Variants in LRRK1 observed in about 807,000 individuals in gnomAD.
LRRK1 encodes leucine-rich repeat serine/threonine-protein kinase 1.
In LRRK1, 113 loss-of-function variants were observed where a neutral mutation model predicts 209.1. The ratio of observed to expected loss-of-function variants is 0.54; its 90% CI spans 0.46 to 0.63. The LOEUF (loss-of-function observed/expected upper bound fraction) is 0.63, where lower values mean the gene tolerates loss of function less well. LRRK1 is among the 30% of genes least tolerant of loss of function. The pLI, the probability that LRRK1 is intolerant of heterozygous loss-of-function variation, is 0.00. For missense variants in LRRK1, 2,284 were observed against 2,632.2 expected (o/e 0.87, Z 2.89); for synonymous variants, 1,144 against 1,099.7 (o/e 1.04, Z -0.80).
intron 29 of LRRK1, 74 bp downstream of exon 29, chr15:101,058,215 C>A (rs1240672384): frequency 6.9e-7 from 1 of 1,442,400 alleles, no homozygotes; most frequent in East Asian, 2.3e-5. Flanking sequence ...GGAACACAGT[C>A]GATGTTGACC....
intron 31 of LRRK1, 76 bp from the exon 32 acceptor site, chr15:101,065,276 T>C: frequency 6.5e-7 from 1 of 1,542,048 alleles, no homozygotes; most frequent in South Asian, 1.2e-5. Context: ...TGCAGATGAG[T>C]CCAGTGCCTA....
chr15:100,960,452 C>T (rs1376162406), intron 2 of LRRK1, among the ~76,000 whole-genome samples: 1 of 152,070 alleles, frequency 6.6e-6, no homozygotes, highest in Non-Finnish European at 1.5e-5. Context: ...TGTTTATCTT[C>T]GAATTGTACC....
intron 2 of LRRK1, among the ~76,000 whole-genome samples, chr15:100,932,488 A>G (rs2042230231): frequency 6.6e-6 from 1 of 152,166 alleles, no homozygotes; most frequent in Non-Finnish European, 1.5e-5. Flanking sequence ...GGGTCTTTAG[A>G]TTCTTTCTAC....
chr15:101,074,263 C>A lies in LRRK1; in HGVS notation c.*5415C>A, dbSNP rs566510364. On this transcript the variant is annotated 3_prime_UTR_variant, in exon 34 of 34. Transcript: ENST00000388948. ...GGTCCCAATTCTTCCTCAGCCTCCG[C>A]TCCTCCACCATATAATCTTTTTATC... The A allele has an allele frequency of 6.6e-6, 1 of 152,144 alleles. No individual in the cohort carries two copies. The highest frequency in any genetic ancestry group is 2.4e-5 in the African/African-American group (1 of 41,410). The allele number at this position is 152,144 out of a possible 1,614,324, so 9.4% of individuals were successfully genotyped here.
At chr15:100,974,049 T>C in intron 3 of LRRK1, 82 bp downstream of exon 3, 7 of 1,134,632 alleles carry the variant, frequency 6.2e-6, no homozygotes, top group Non-Finnish European at 7.8e-6. Context: ...TTCTCGTTAT[T>C]GTCATAACGG....
intron 2 of LRRK1, among the ~76,000 whole-genome samples, chr15:100,969,817 T>A (rs4965751): frequency 0.7 from 105,614 of 151,834 alleles, 37,141 homozygotes; most frequent in Middle Eastern, 0.76. Context: ...CCCTGCAAAG[T>A]GATAATCTTA....
chr15:101,050,483 C>T lies in LRRK1; in HGVS notation c.3439+700C>T, dbSNP rs116316235. On this transcript the variant is annotated intron_variant, in intron 23 of 33. Coordinates refer to ENST00000388948, the MANE Select transcript of LRRK1 (RefSeq NM_024652.6). ...CTGCCCTGAGAGCTTCAGCCCTGAA[C>T]GCTGGAGGCCAAGCAGCTGTGGGAC... 4.9e-3 allele frequency among the ~76,000 whole-genome samples: 739 copies of T among 151,528 alleles called. 5 individuals carry two copies. Among genetic ancestry groups the T allele is most frequent in the African/African-American group, 0.017 (708 of 41,028 alleles).
rs1004184385 is a variant in LRRK1, at chr15:101,054,878, TATC to T, written c.4055-65_4055-63del. The stretch of plus-strand genomic sequence containing the variant: ...GATCGGAAGACAAAAAGACAGTTGT[TATC>T]ATGATAATTTGATTCTATCAAAACT... On this transcript the variant is annotated intron_variant, in intron 26 of 33. Coordinates refer to ENST00000388948, the MANE Select transcript of LRRK1 (RefSeq NM_024652.6). 204 of 1,320,376 alleles carry T rather than the reference TATC, an allele frequency of 1.5e-4. 1 individual carries two copies. Among genetic ancestry groups the T allele is most frequent in the Middle Eastern group, 9.5e-4 (5 of 5,264 alleles). The allele number at this position is 1,320,376 out of a possible 1,614,324, so 81.8% of individuals were successfully genotyped here.
In LRRK1 at chr15:101,024,813, T is replaced by C; in HGVS notation, c.2078T>C (p.Val693Ala). The C allele has an allele frequency of 6.2e-7, 1 of 1,613,758 alleles. No individual in the cohort carries two copies. Among genetic ancestry groups the C allele is most frequent in the Non-Finnish European group, 8.5e-7 (1 of 1,179,704 alleles). ...TTGTTGCTCAAGTAGGTTGAGTCCG[T>C]GGAGTTCAACGTCTGGGACATCGGG... ...PAGSRAKVES[V>A]EFNVWDIGGP... The change falls in exon 16 of 34, where the codon GTG becomes GCG. Residue 693 changes from valine to alanine, a missense_variant. Val to Ala is a moderately conservative substitution (Grantham distance 64). Coordinates refer to ENST00000388948, the MANE Select transcript of LRRK1 (RefSeq NM_024652.6). This position sits in a 1 kb window ranked among gnomAD's most constrained non-coding sequence, Gnocchi z 4.6.
rs116680667 is a variant in LRRK1 at position 100,968,266 on chromosome 15, T to C, written c.98-5538T>C. On this transcript the variant is annotated intron_variant, in intron 2 of 33. Coordinates refer to ENST00000388948, the MANE Select transcript of LRRK1 (RefSeq NM_024652.6). The stretch of plus-strand genomic sequence containing the variant: ...TATTCATTCTCCTGTGGATGGACAC[T>C]TGGGCTATTTACAGTTTGGAAATAT... Among the ~76,000 whole-genome samples the C allele has an allele frequency of 9.4e-3, 1,433 of 152,272 alleles. 16 individuals carry two copies. Among genetic ancestry groups the C allele is most frequent in the African/African-American group, 0.011 (470 of 41,496 alleles).
Position 100,923,102 on chromosome 15 carries a change from C to T in LRRK1, c.-122-1409C>T, listed in dbSNP as rs1009985264. ...TTAATTAGCAGGGAAGTGGGAGACC[C>T]GCTGGCCTCCAAGTCTGTGCGCTGG... On this transcript the variant is annotated intron_variant, in intron 1 of 33. Coordinates refer to ENST00000388948, the MANE Select transcript of LRRK1 (RefSeq NM_024652.6). Among the ~76,000 whole-genome samples the T allele has an allele frequency of 7.2e-5, 11 of 152,170 alleles. No homozygotes were observed. In the East Asian group the frequency reaches 9.6e-4, roughly 13 times the overall value.
chr15:101,052,863 C>T, intron 24 of LRRK1, 59 bp from the exon 25 acceptor site: 1 of 1,569,416 alleles, frequency 6.4e-7, no homozygotes, highest in Middle Eastern at 1.7e-4. Flanking sequence ...ATGACCCAGC[C>T]CAGGACCCAC....
In LRRK1 at chr15:100,924,542, C is replaced by T. The variant is rs983824058; in HGVS notation, c.-91C>T. ...AAAGCTTTCTGCTCAGCCATGGCTACGAGTCCACGCCTTAATGCACCCCAC... is the reference window on the plus strand; with the variant it reads ...AAAGCTTTCTGCTCAGCCATGGCTATGAGTCCACGCCTTAATGCACCCCAC... On this transcript the variant is annotated 5_prime_UTR_variant, in exon 2 of 34. In the 5' UTR this introduces an upstream ATG that the reference lacks. Coordinates refer to ENST00000388948, the MANE Select transcript of LRRK1 (RefSeq NM_024652.6). The T allele has an allele frequency of 6.6e-5, 71 of 1,068,706 alleles. No individual in the cohort carries two copies. Among genetic ancestry groups the T allele is most frequent in the African/African-American group, 6.1e-4 (39 of 63,940 alleles). 66.2% of individuals were successfully genotyped at this position (1,068,706 alleles called of 1,614,324 possible).
chr15:100,996,710 A>T (rs1466819484), intron 6 of LRRK1, among the ~76,000 whole-genome samples: 1 of 152,222 alleles, frequency 6.6e-6, no homozygotes, highest in Non-Finnish European at 1.5e-5. Flanking sequence ...TGGCAGAATA[A>T]GTGAAGGGGA....
rs905866992 is a variant in LRRK1, at chr15:101,071,207, G to A, written c.*2359G>A. On this transcript the variant is annotated 3_prime_UTR_variant, in exon 34 of 34. Coordinates refer to ENST00000388948, the MANE Select transcript of LRRK1 (RefSeq NM_024652.6). ...AGAGCTCATGCTTCAGTGAGGGGGT[G>A]GGGGGCACCCTGAGGACCCTGTCAA... is the stretch of plus-strand genomic sequence containing the variant. 1 of 152,352 alleles carries A rather than the reference G, an allele frequency of 6.6e-6. No homozygotes were observed. Among genetic ancestry groups the A allele is most frequent in the African/African-American group, 2.4e-5 (1 of 41,400 alleles). The allele number at this position is 152,352 out of a possible 1,614,324, so 9.4% of individuals were successfully genotyped here. A position where few individuals can be genotyped will look rare whatever the true frequency, so the allele number is the denominator to read the frequency against.
At chr15:101,058,769 C>T (rs2035975813) in intron 29 of LRRK1, among the ~76,000 whole-genome samples, 1 of 150,878 alleles carries the variant, frequency 6.6e-6, no homozygotes, top group African/African-American at 2.4e-5. Context: ...ACTAAAGGAT[C>T]CTAGGTATTG....
chr15:100,961,430 A>G (rs996946140), intron 2 of LRRK1, among the ~76,000 whole-genome samples: 9 of 152,020 alleles, frequency 5.9e-5, no homozygotes, highest in Non-Finnish European at 1.0e-4. Flanking sequence ...CAAGGCGGGC[A>G]GATCACGAGG....
In LRRK1 at chr15:101,055,241, C is replaced by G. The variant is rs2035729326; in HGVS notation, c.4332+18C>G. 1 of 1,526,516 alleles carries G rather than the reference C, an allele frequency of 6.6e-7. No individual in the cohort carries two copies. Among genetic ancestry groups the G allele is most frequent in the Non-Finnish European group, 8.8e-7 (1 of 1,138,568 alleles). 94.6% of individuals were successfully genotyped at this position (1,526,516 alleles called of 1,614,324 possible). A position where few individuals can be genotyped will look rare whatever the true frequency, so the allele number is the denominator to read the frequency against. On this transcript the variant is annotated intron_variant, in intron 27 of 33. Transcript: ENST00000388948. Reference sequence around the variant, plus strand: ...ATGAGAAGGTACGTGCCTGGATCCCCTGGCCCAGCCCCACAGTGTAGGAGC... The same window carrying G: ...ATGAGAAGGTACGTGCCTGGATCCCGTGGCCCAGCCCCACAGTGTAGGAGC...
At chr15:100,969,597 C>T (rs921828477) in intron 2 of LRRK1, among the ~76,000 whole-genome samples, 1 of 151,978 alleles carries the variant, frequency 6.6e-6, no homozygotes, top group Admixed American at 6.5e-5. Flanking sequence ...ATCCCATCAG[C>T]CAGGTATTAA....
Sources: gnomAD v4.1 joint callset for allele counts (sites outside exome capture counted in the v4.1 genomes callset) on GRCh38, gnomAD v4.1.1 for gene constraint, Gnocchi (gnomAD v3.1) non-coding constraint, MANE v1.5 for transcripts, NCBI Gene and HGNC (gene_info 2026-07-23, HGNC 2026-07-21) for gene names.